BICRA: variants seen among roughly 807,000 people sequenced by gnomAD.
BICRA encodes BRD4-interacting chromatin-remodeling complex-associated protein.
A neutral mutation model predicts 96.9 loss-of-function variants in BICRA; 31 were observed. The ratio of observed to expected loss-of-function variants is 0.32; its 90% CI spans 0.24 to 0.43. The LOEUF is 0.43. Among genes scored for constraint, BICRA ranks in the 20% least tolerant of loss-of-function variants. BICRA has a pLI of 1.00. For synonymous variants in BICRA, 1,350 were observed against 1,071.8 expected (o/e 1.26, Z -5.07); for missense variants, 2,283 against 2,190.3 (o/e 1.04, Z -0.84).
rs57088975 is a variant in BICRA, at chr19:47,672,577, G to GTGGATGGATGGATGGATGGA, written c.-5-988_-5-969dup. 4.0e-3 allele frequency among the ~76,000 whole-genome samples: 603 copies of GTGGATGGATGGATGGATGGA among 150,180 alleles called. 4 individuals are homozygous for GTGGATGGATGGATGGATGGA. The highest frequency in any genetic ancestry group is 0.014 in the African/African-American group (551 of 40,414). ...GAGAAATGTTTGGAAAGATAAAGAA[G>GTGGATGGATGGATGGATGGA]TGGATGGATGGATGGATGGATGGAG... On this transcript the variant is annotated intron_variant, in intron 2 of 14. Transcript: ENST00000594866.
intron 6 of BICRA, 142 bp downstream of exon 6, chr19:47,681,418 G>A: frequency 1.3e-6 from 1 of 768,294 alleles, no homozygotes; most frequent in Admixed American, 2.3e-5. Context: ...GGCACAGGTG[G>A]CCCCTAAGAG....
intron 1 of BICRA, among the ~76,000 whole-genome samples, chr19:47,629,889 C>T (rs2123521199): frequency 6.6e-6 from 1 of 152,280 alleles, no homozygotes; most frequent in South Asian, 2.1e-4. Context: ...AACTCCTGAC[C>T]TCAGGTGATC....
intron 6 of BICRA, 60 bp downstream of exon 6, chr19:47,681,336 G>A: frequency 4.8e-6 from 7 of 1,444,912 alleles, no homozygotes; most frequent in Non-Finnish European, 6.6e-6. Context: ...AGGAAGAGGG[G>A]TCCTGGGGCG....
chr19:47,685,795 G>A (rs1226232690), intron 7 of BICRA, among the ~76,000 whole-genome samples: 2 of 147,680 alleles, frequency 1.4e-5, no homozygotes, highest in South Asian at 2.2e-4. Context: ...GTGCGCGCGC[G>A]CGCGCATGCG....
At position 47,636,031 on chromosome 19, in the gene BICRA, C is replaced by T. The variant is rs535950949; in HGVS notation, c.-108+26863C>T. On this transcript the variant is annotated intron_variant, in intron 1 of 14. Transcript: ENST00000594866. ...CAAAATTATTAAAATTATTTTATAA[C>T]ATTACCTTCAGACTATGTGTATAAA... 7.9e-5 allele frequency among the ~76,000 whole-genome samples: 12 copies of T among 152,258 alleles called. No individual in the cohort carries two copies. The East Asian group carries it at 2.1e-3, about 27-fold the overall frequency.
chr19:47,668,311 A>T (rs1972812932), intron 1 of BICRA, among the ~76,000 whole-genome samples: 1 of 152,038 alleles, frequency 6.6e-6, no homozygotes. Context: ...AACATTGGTA[A>T]CCCCAAAACG....
chr19:47,660,406 C>T (rs1972686994), intron 1 of BICRA, among the ~76,000 whole-genome samples: 1 of 152,338 alleles, frequency 6.6e-6, no homozygotes, highest in East Asian at 1.9e-4. Context: ...ATTATGTCTA[C>T]AAAGACCCTT....
chr19:47,632,085 A>G (rs1263018876), intron 1 of BICRA, among the ~76,000 whole-genome samples: 1 of 152,160 alleles, frequency 6.6e-6, no homozygotes, highest in Non-Finnish European at 1.5e-5. Flanking sequence ...AATCTGAGTG[A>G]GATGGGAGCC....
At chr19:47,684,763 A>T (rs1470615936) in intron 7 of BICRA, among the ~76,000 whole-genome samples, 6 of 152,136 alleles carry the variant, frequency 3.9e-5, no homozygotes, top group African/African-American at 1.4e-4. Flanking sequence ...TGGATTAAAA[A>T]CCCTGGGGGC....
rs1331653963 is a variant in BICRA at position 47,696,495 on chromosome 19, G to C, written c.3231G>C (p.Gln1077His). ...LSGLKKPPTL[Q>H]PSKEACFLEH... ...GCCTGAAGAAGCCCCCCACGCTTCA[G>C]CCCAGCAAGGAAGCCTGGTGAGTCC... The change falls in exon 11 of 15, where the codon CAG becomes CAC. Residue 1077 changes from glutamine (Q) to histidine (H), a missense_variant. Transcript: ENST00000594866. The C allele has an allele frequency of 1.9e-6, 3 of 1,604,578 alleles. No individual in the cohort carries two copies. Among genetic ancestry groups the C allele is most frequent in the Non-Finnish European group, 2.6e-6 (3 of 1,175,726 alleles).
intron 7 of BICRA, among the ~76,000 whole-genome samples, chr19:47,684,980 A>T (rs988159842): frequency 1.3e-5 from 2 of 151,952 alleles, no homozygotes; most frequent in African/African-American, 4.8e-5. Context: ...AGCTGAACTT[A>T]TTTTTTTGGA....
chr19:47,698,586 T>TACCCCCCCCC lies in BICRA; in HGVS notation c.3249-48_3249-47insACCCCCCCCC. ...AGGGACTTCCCCTGGCCCTCACCCG[T>TACCCCCCCCC]CCCCCCCACCCTCCGCCGTGTGTGG... On this transcript the variant is annotated intron_variant, in intron 11 of 14. Transcript: ENST00000594866. The surrounding 1 kb of genome is among the most constrained non-coding windows in gnomAD (Gnocchi z 4.8). 2.8e-6 allele frequency: 2 copies of TACCCCCCCCC among 716,694 alleles called. No homozygotes were observed. Among genetic ancestry groups the TACCCCCCCCC allele is most frequent in the East Asian group, 2.9e-5 (1 of 34,892 alleles). 44.4% of individuals were successfully genotyped at this position (716,694 alleles called of 1,614,324 possible). A position where few individuals can be genotyped will look rare whatever the true frequency, so the allele number is the denominator to read the frequency against.
chr19:47,695,282 G>A, intron 9 of BICRA, 83 bp from the exon 10 acceptor site: 1 of 802,010 alleles, frequency 1.2e-6, no homozygotes, highest in South Asian at 1.6e-5. Flanking sequence ...GAGCGGTGGG[G>A]TACAGGATGG....
intron 1 of BICRA, chr19:47,663,874 C>CTTCCA (rs55866962): frequency 0.15 from 22,121 of 151,468 alleles, 1,672 homozygotes; most frequent in South Asian, 0.2. Flanking sequence ...ACGTTAATGT[C>CTTCCA]TTCCATTCCA....
chr19:47,639,225 C>G (rs1207567089), intron 1 of BICRA, among the ~76,000 whole-genome samples: 1 of 151,130 alleles, frequency 6.6e-6, no homozygotes, highest in Non-Finnish European at 1.5e-5. Flanking sequence ...CCAGGCTGGC[C>G]TTGAACTCCT....
chr19:47,663,894 A>ATTCCATTCCT (rs1240118522), intron 1 of BICRA: 1 of 151,650 alleles, frequency 6.6e-6, no homozygotes, highest in Non-Finnish European at 1.5e-5. Flanking sequence ...ATTCCATTCC[A>ATTCCATTCCT]TGCATTTTAA....
intron 1 of BICRA, among the ~76,000 whole-genome samples, chr19:47,640,993 G>A (rs1031206813): frequency 1.4e-5 from 2 of 145,562 alleles, no homozygotes; most frequent in Non-Finnish European, 1.5e-5. Context: ...TCCGCCTCCC[G>A]GGTTCAAGCG....
At chr19:47,668,847 C>T (rs769660580) in intron 1 of BICRA, among the ~76,000 whole-genome samples, 18 of 150,750 alleles carry the variant, frequency 1.2e-4, no homozygotes, top group Non-Finnish European at 2.4e-4. Context: ...AGGCCAGGCG[C>T]AGTGGCTCAC....
At chr19:47,619,589 TCGTATACAGTAA>T (rs1300391748) in intron 1 of BICRA, among the ~76,000 whole-genome samples, 1 of 151,704 alleles carries the variant, frequency 6.6e-6, no homozygotes, top group Non-Finnish European at 1.5e-5. Context: ...GAAGTGTAAT[TCGTATACAGTAA>T]AATCCGCAGA....
Sources: gnomAD v4.1 joint callset for allele counts (sites outside exome capture counted in the v4.1 genomes callset) on GRCh38, gnomAD v4.1.1 for gene constraint, Gnocchi (gnomAD v3.1) non-coding constraint, MANE v1.5 for transcripts, NCBI Gene and HGNC (gene_info 2026-07-23, HGNC 2026-07-21) for gene names.